HDAC9: variants seen among roughly 807,000 people sequenced by gnomAD.
The protein encoded by HDAC9 is MEF-2 interacting transcription repressor (MITR) protein.
A neutral mutation model predicts 139.4 loss-of-function variants in HDAC9; 41 were observed. The ratio of observed to expected loss-of-function variants is 0.29; its 90% CI spans 0.23 to 0.38. The LOEUF is 0.38. Ranked by LOEUF, HDAC9 falls within the 10% of genes least tolerant of loss-of-function variation. HDAC9 has a pLI of 1.00. For missense variants in HDAC9, 1,147 were observed against 1,297.0 expected, an observed-to-expected ratio of 0.88 and a Z score of 1.78; for synonymous variants, 517 against 476.2, an observed-to-expected ratio of 1.09 and a Z score of -1.12.
chr7:18,456,474 A>G (rs1793361248), intron 1 of HDAC9, among the ~76,000 whole-genome samples: 1 of 152,074 alleles, frequency 6.6e-6, no homozygotes. Context: ...GACCTCAGGT[A>G]TCCACCCACG....
chr7:18,315,024 A>G (rs1052231183), intron 1 of HDAC9, among the ~76,000 whole-genome samples: 39 of 152,308 alleles, frequency 2.6e-4, no homozygotes, highest in African/African-American at 8.7e-4. Flanking sequence ...GAGTACATGA[A>G]CTAAATAATA....
At position 18,999,815 on chromosome 7, in the gene HDAC9, G is replaced by A. The variant is rs987220356; in HGVS notation, c.*3753G>A. ...ATTTCTTACTATTTCTCTGTCGAAT[G>A]TTTACTCTCATCTTATCTCAATGAA... On this transcript the variant is annotated 3_prime_UTR_variant, in exon 26 of 26. Coordinates refer to ENST00000686413, the MANE Select transcript of HDAC9 (RefSeq NM_178425.4). 2.0e-5 allele frequency: 3 copies of A among 150,708 alleles called. No homozygotes were observed. Among genetic ancestry groups the A allele is most frequent in the Non-Finnish European group, 4.4e-5 (3 of 67,614 alleles). The allele number at this position is 150,708 out of a possible 1,614,324, so 9.3% of individuals were successfully genotyped here.
intron 1 of HDAC9, among the ~76,000 whole-genome samples, chr7:18,108,101 T>A (rs1040622889): frequency 6.6e-6 from 1 of 152,170 alleles, no homozygotes; most frequent in African/African-American, 2.4e-5. Flanking sequence ...ATTAGCTACA[T>A]GAGAAGCAAG....
chr7:18,852,615 A>C (rs1797385042), intron 21 of HDAC9, among the ~76,000 whole-genome samples: 1 of 152,190 alleles, frequency 6.6e-6, no homozygotes, highest in Non-Finnish European at 1.5e-5. Flanking sequence ...ATATAGTCCT[A>C]ACACCTTGTA....
intron 2 of HDAC9, among the ~76,000 whole-genome samples, chr7:18,550,090 A>G (rs1484877331): frequency 6.6e-6 from 1 of 152,064 alleles, no homozygotes; most frequent in East Asian, 1.9e-4. Flanking sequence ...ATTTGGATAT[A>G]TAACTTCTTT....
chr7:18,219,399 A>G (rs1021511153), intron 2 of HDAC9, among the ~76,000 whole-genome samples: 13 of 152,158 alleles, frequency 8.5e-5, no homozygotes, highest in Admixed American at 6.6e-4. Flanking sequence ...CAAAATACCA[A>G]TTAGTTTGTT....
chr7:18,470,454 T>C (rs1794637042), intron 1 of HDAC9, among the ~76,000 whole-genome samples: 2 of 152,204 alleles, frequency 1.3e-5, no homozygotes, highest in Admixed American at 1.3e-4. Flanking sequence ...TTGATGGTAT[T>C]AAAATAAAAT....
chr7:18,287,179 A>T (rs974088966), upstream of HDAC9, among the ~76,000 whole-genome samples: 5 of 152,208 alleles, frequency 3.3e-5, no homozygotes, highest in African/African-American at 1.2e-4. Context: ...TCCAATTTTT[A>T]AAATGGAAAT....
intron 13 of HDAC9, among the ~76,000 whole-genome samples, chr7:18,747,233 G>T (rs985024271): frequency 2.6e-5 from 4 of 152,162 alleles, no homozygotes; most frequent in African/African-American, 9.7e-5. Flanking sequence ...TTTAGTGAAG[G>T]CCCTGAAGGA....
chr7:18,849,772 C>G (rs1481678532), intron 21 of HDAC9, among the ~76,000 whole-genome samples: 1 of 152,118 alleles, frequency 6.6e-6, no homozygotes, highest in Non-Finnish European at 1.5e-5. Flanking sequence ...GATGAGAAAG[C>G]ACACCCCGAA....
intron 1 of HDAC9, among the ~76,000 whole-genome samples, chr7:18,299,216 T>C: frequency 7.0e-6 from 1 of 143,044 alleles, no homozygotes; most frequent in East Asian, 2.1e-4. Context: ...GTACAACTCT[T>C]AAGATTTTTT....
At chr7:18,381,759 G>T (rs1012632508) in intron 1 of HDAC9, among the ~76,000 whole-genome samples, 1 of 152,100 alleles carries the variant, frequency 6.6e-6, no homozygotes, top group African/African-American at 2.4e-5. Context: ...AGGTTGAAGA[G>T]TATATTTTAG....
At chr7:18,846,680 G>A (rs1197503821) in intron 21 of HDAC9, among the ~76,000 whole-genome samples, 6 of 152,114 alleles carry the variant, frequency 3.9e-5, no homozygotes, top group Non-Finnish European at 1.5e-5. Flanking sequence ...GCATGTATTG[G>A]ACCTTTGAGG....
At chr7:18,516,649 C>G (rs1803291557) in intron 2 of HDAC9, among the ~76,000 whole-genome samples, 1 of 152,040 alleles carries the variant, frequency 6.6e-6, no homozygotes, top group South Asian at 2.1e-4. Flanking sequence ...CACCTGAGGT[C>G]AGGAGTTTTG....
intron 2 of HDAC9, among the ~76,000 whole-genome samples, chr7:18,542,052 G>T (rs987218137): frequency 6.6e-6 from 1 of 152,016 alleles, no homozygotes; most frequent in Non-Finnish European, 1.5e-5. Flanking sequence ...TGGCCTCTAC[G>T]CCCTAGATGC....
At chr7:18,216,131 A>T (rs200415706) in intron 2 of HDAC9, among the ~76,000 whole-genome samples, 3,858 of 145,774 alleles carry the variant, frequency 0.026, 63 homozygotes, top group Middle Eastern at 0.038. Flanking sequence ...TGTGTGTGTG[A>T]GAGAGAGAGA....
At chr7:18,305,095 C>A (rs1798822211) in intron 1 of HDAC9, among the ~76,000 whole-genome samples, 1 of 152,136 alleles carries the variant, frequency 6.6e-6, no homozygotes, top group African/African-American at 2.4e-5. Context: ...TCTGACCCAC[C>A]AATCTGGGTA....
chr7:18,447,648 G>A (rs1228831902), intron 1 of HDAC9, among the ~76,000 whole-genome samples: 2 of 152,168 alleles, frequency 1.3e-5, no homozygotes, highest in African/African-American at 4.8e-5. Context: ...TGTATTCAGA[G>A]TTTTTGTTAA....
chr7:18,487,199 T>C (rs1796036085), intron 1 of HDAC9, among the ~76,000 whole-genome samples: 2 of 152,014 alleles, frequency 1.3e-5, no homozygotes, highest in East Asian at 1.9e-4. Flanking sequence ...AAGAAAAATA[T>C]CTACCAGGCA....
Sources: gnomAD v4.1 joint callset for allele counts (sites outside exome capture counted in the v4.1 genomes callset) on GRCh38, gnomAD v4.1.1 for gene constraint, MANE v1.5 for transcripts, NCBI Gene and HGNC (gene_info 2026-07-23, HGNC 2026-07-21) for gene names.